Variants in DIS3L2 observed in about 807,000 individuals in gnomAD.
DIS3L2 encodes the protein DIS3 like 3'-5' exoribonuclease 2.
Under a neutral mutation model 97.5 loss-of-function variants are expected in DIS3L2, and 34 were observed. The ratio of observed to expected loss-of-function variants is 0.35; its 90% CI spans 0.27 to 0.46. The LOEUF (loss-of-function observed/expected upper bound fraction) is 0.46. DIS3L2 is among the 20% of genes least tolerant of loss of function. The probability of loss-of-function intolerance (pLI) is 1.00; values close to 1 mark genes in which losing one functional copy is unlikely to be tolerated. For synonymous variants in DIS3L2, 435 were observed against 445.2 expected (o/e 0.98, Z 0.29); for missense variants, 1,038 against 1,146.0 (o/e 0.91, Z 1.36).
Position 232,174,566 on chromosome 2 carries a change from A to G in DIS3L2, c.1124+10934A>G, listed in dbSNP as rs915266284. 3.2e-4 allele frequency among the ~76,000 whole-genome samples: 45 copies of G among 140,128 alleles called. 1 individual carries two copies. Among genetic ancestry groups the G allele is most frequent in the Admixed American group, 2.4e-3 (32 of 13,148 alleles). 91.9% of individuals were successfully genotyped at this position (140,128 alleles called of 152,430 possible). A position where few individuals can be genotyped will look rare whatever the true frequency, so the allele number is the denominator to read the frequency against. ...ACGCCACTGCACTCCAGCCAGGGTA[A>G]CAGAGTGAGACTCCACCTCAAAAAA... On this transcript the variant is annotated intron_variant, in intron 9 of 20. Coordinates refer to ENST00000325385, the MANE Select transcript of DIS3L2 (RefSeq NM_152383.5).
At chr2:232,163,750 T>C in intron 9 of DIS3L2, 118 bp downstream of exon 9, 1 of 1,209,410 alleles carries the variant, frequency 8.3e-7, no homozygotes, top group Non-Finnish European at 1.1e-6. Context: ...CAGTTGGGAA[T>C]AGGTGCTTCT....
intron 10 of DIS3L2, among the ~76,000 whole-genome samples, chr2:232,231,148 A>G (rs570086656): frequency 1.3e-4 from 20 of 152,218 alleles, no homozygotes; most frequent in Non-Finnish European, 2.5e-4. Flanking sequence ...TTCTCTCCCC[A>G]CTAGACTGGA....
chr2:232,087,761 A>C, intron 6 of DIS3L2, 40 bp downstream of exon 6: 1 of 1,460,110 alleles, frequency 6.8e-7, no homozygotes. Flanking sequence ...TTTTAAGTAC[A>C]CTGATTAAGT....
At chr2:232,167,041 A>G (rs1045695629) in intron 9 of DIS3L2, among the ~76,000 whole-genome samples, 2 of 152,162 alleles carry the variant, frequency 1.3e-5, no homozygotes, top group African/African-American at 4.8e-5. Flanking sequence ...TTAACCTTAA[A>G]ATAGGTTATC....
intron 14 of DIS3L2, 28 bp from the exon 15 acceptor site, chr2:232,329,785 T>TCCCCGGGGGGGGCCA: frequency 1.0e-6 from 1 of 967,142 alleles, no homozygotes; most frequent in Non-Finnish European, 1.5e-6. Flanking sequence ...ACCCCAGCGG[T>TCCCCGGGGGGGGCCA]CCCTCCCATC....
chr2:232,343,601 G>A lies in DIS3L2; in HGVS notation c.*26G>A, dbSNP rs564743007. 98 of 1,568,710 alleles carry A rather than the reference G, an allele frequency of 6.2e-5. No homozygotes were observed. In the African/African-American group the frequency reaches 7.5e-4, roughly 12 times the overall value. On this transcript the variant is annotated 3_prime_UTR_variant, in exon 14 of 14. Transcript: ENST00000273009. ...AGAAGCATGTGGAATTCCTTGTGGC[G>A]GAGAAGGAAAGATTATGGAAAGAAA...
intron 7 of DIS3L2, among the ~76,000 whole-genome samples, chr2:232,134,970 G>A (rs921458437): frequency 4.6e-5 from 7 of 152,160 alleles, no homozygotes; most frequent in Non-Finnish European, 1.5e-5. Flanking sequence ...GGTTAAAGGT[G>A]CTAGAAGTCT....
chr2:232,249,219 G>A lies in DIS3L2; in HGVS notation c.1318-20G>A, dbSNP rs1271319164. ...AGCGGGTTGGAGAAAGGTGCTCATG[G>A]GCCTGTGCTCTATTTACAGGTGGTC... On this transcript the variant is annotated intron_variant, in intron 11 of 20. Transcript: ENST00000325385. The A allele has an allele frequency of 6.2e-7, 1 of 1,611,958 alleles. No homozygotes were observed. The highest frequency in any genetic ancestry group is 1.1e-5 in the South Asian group (1 of 90,768).
At chr2:232,140,870 C>T (rs1698491563) in intron 8 of DIS3L2, among the ~76,000 whole-genome samples, 1 of 152,144 alleles carries the variant, frequency 6.6e-6, no homozygotes, top group African/African-American at 2.4e-5. Flanking sequence ...CCTTGTTCAC[C>T]TCTCTATACA....
chr2:232,120,105 C>G (rs1190031823), intron 6 of DIS3L2, among the ~76,000 whole-genome samples: 2 of 152,138 alleles, frequency 1.3e-5, no homozygotes, highest in Non-Finnish European at 2.9e-5. Context: ...AGAACCATAT[C>G]CCTGGCTTGG....
chr2:232,014,584 C>T (rs1694301458), intron 1 of DIS3L2, among the ~76,000 whole-genome samples: 1 of 152,152 alleles, frequency 6.6e-6, no homozygotes, highest in South Asian at 2.1e-4. Flanking sequence ...TTTTTCACAT[C>T]ATTGCCCCAT....
At chr2:232,125,623 C>T (rs939553384) in intron 6 of DIS3L2, among the ~76,000 whole-genome samples, 4 of 152,156 alleles carry the variant, frequency 2.6e-5, no homozygotes, top group Admixed American at 6.5e-5. Context: ...AATTCTTTGG[C>T]ATCATACATT....
chr2:232,163,285 C>T (rs2106376908), intron 8 of DIS3L2, among the ~76,000 whole-genome samples, 174 bp from the exon 9 acceptor site: 1 of 152,286 alleles, frequency 6.6e-6, no homozygotes, highest in East Asian at 1.9e-4. Flanking sequence ...AGGAGAAGAG[C>T]ATTACTGTGT....
At chr2:232,068,685 C>T (rs1574850015) in intron 5 of DIS3L2, among the ~76,000 whole-genome samples, 1 of 151,942 alleles carries the variant, frequency 6.6e-6, no homozygotes, top group African/African-American at 2.4e-5. Flanking sequence ...CTAAATTGAT[C>T]CTTTGGAATA....
At chr2:232,142,669 GTTCCTGAAGTCCCTA>G (rs1470530233) in intron 8 of DIS3L2, among the ~76,000 whole-genome samples, 1 of 152,004 alleles carries the variant, frequency 6.6e-6, no homozygotes. Flanking sequence ...TAAAAACACC[GTTCCTGAAGTCCCTA>G]TTCCTTAAGT....
intron 17 of DIS3L2, 118 bp from the exon 18 acceptor site, chr2:232,334,251 T>A (rs1392606993): frequency 2.2e-6 from 3 of 1,339,522 alleles, no homozygotes; most frequent in Non-Finnish European, 2.0e-6. Context: ...CCCTGGGAGC[T>A]GGGTGCTTGG....
At position 232,334,509 on chromosome 2, in the gene DIS3L2, C is replaced by T. The variant is rs1695877879; in HGVS notation, c.2289+10C>T. The T allele has an allele frequency of 1.2e-6, 2 of 1,613,516 alleles. No individual in the cohort carries two copies. The highest frequency in any genetic ancestry group is 1.1e-5 in the South Asian group (1 of 91,014). ...TGCTGTTCTGGTCAAGGTGAGCCCT[C>T]CAGCCTGGTGCCCCTCACCTCCCTC... On this transcript the variant is annotated intron_variant, in intron 18 of 20. Coordinates refer to ENST00000325385, the MANE Select transcript of DIS3L2 (RefSeq NM_152383.5).
intron 1 of DIS3L2, among the ~76,000 whole-genome samples, chr2:231,991,172 G>A (rs1047513030): frequency 1.3e-5 from 2 of 152,186 alleles, no homozygotes; most frequent in South Asian, 4.2e-4. Flanking sequence ...CTCCCAAAGT[G>A]CTAGGATTAC....
At chr2:232,340,487 G>A (rs2106360932), downstream of DIS3L2, among the ~76,000 whole-genome samples, 1 of 152,288 alleles carries the variant, frequency 6.6e-6, no homozygotes, top group Admixed American at 6.5e-5. Flanking sequence ...CGGCCCTGGA[G>A]AGCCATCTCC....
Sources: allele counts gnomAD v4.1 joint callset (sites outside exome capture counted in the v4.1 genomes callset), GRCh38; gene constraint gnomAD v4.1.1; transcripts MANE v1.5; gene names NCBI Gene and HGNC (gene_info 2026-07-23, HGNC 2026-07-21).